Variants in ACOT11 observed in about 807,000 individuals in gnomAD.
ACOT11 encodes acyl-coenzyme A thioesterase 11.
In ACOT11, 69 loss-of-function variants were observed where a neutral mutation model predicts 77.5. That is an observed-to-expected ratio of 0.89 (90% CI 0.73 to 1.09). ACOT11 has a LOEUF of 1.09. Ranked by LOEUF, ACOT11 falls within the 50% of genes least tolerant of loss-of-function variation. The pLI, the probability that ACOT11 is intolerant of heterozygous loss-of-function variation, is 0.00. For synonymous variants in ACOT11, 279 were observed against 313.0 expected (o/e 0.89, Z 1.15); for missense variants, 766 against 813.7 (o/e 0.94, Z 0.71).
intron 1 of ACOT11, among the ~76,000 whole-genome samples, chr1:54,578,295 T>C (rs1197034436): frequency 6.6e-6 from 1 of 152,132 alleles, no homozygotes; most frequent in Non-Finnish European, 1.5e-5. Flanking sequence ...CCATGCAATG[T>C]TGGAATGAGT....
At chr1:54,595,391 G>A (rs1046750732) in intron 6 of ACOT11, among the ~76,000 whole-genome samples, 2 of 151,892 alleles carry the variant, frequency 1.3e-5, no homozygotes, top group Non-Finnish European at 1.5e-5. Context: ...CATGTAAAAA[G>A]CATATATATA....
intron 15 of ACOT11, among the ~76,000 whole-genome samples, chr1:54,619,043 C>A (rs1254322782): frequency 2.6e-5 from 4 of 152,074 alleles, no homozygotes; most frequent in Non-Finnish European, 4.4e-5. Flanking sequence ...GTCATTCTAC[C>A]AGCCCTCAGA....
intron 1 of ACOT11, among the ~76,000 whole-genome samples, chr1:54,559,879 C>G (rs1653403645): frequency 6.6e-6 from 1 of 152,198 alleles, no homozygotes; most frequent in Admixed American, 6.5e-5. Flanking sequence ...TGCTGAAGCT[C>G]CTCTCCTTGT....
rs1389122803 is a variant in ACOT11 at position 54,620,723 on chromosome 1, C to CTACTCGGGAGG, written c.1630-10011_1630-10010insTACTCGGGAGG. ...AGCGGGATGGACGTGGTGGCAGGAG[C>CTACTCGGGAGG]CTGTAATCCCAGCTACTCGGGAGGC... is the stretch of plus-strand genomic sequence containing the variant. On this transcript the variant is annotated intron_variant, in intron 15 of 16. Coordinates refer to the ACOT11 transcript ENST00000371316. Among the ~76,000 whole-genome samples the CTACTCGGGAGG allele has an allele frequency of 4.2e-4, 64 of 151,382 alleles. 1 individual carries two copies. Among genetic ancestry groups the CTACTCGGGAGG allele is most frequent in the South Asian group, 2.5e-3 (12 of 4,754 alleles).
exon 17 of ACOT11, chr1:54,636,571 C>T (rs1557680781): frequency 6.6e-6 from 1 of 152,298 alleles, no homozygotes; most frequent in East Asian, 1.9e-4. Flanking sequence ...TTCCATTGCC[C>T]AGAGACGAGC....
At chr1:54,614,373 G>A (rs572522908), downstream of ACOT11, among the ~76,000 whole-genome samples, 1 of 152,192 alleles carries the variant, frequency 6.6e-6, no homozygotes, top group African/African-American at 2.4e-5. Context: ...TGTAGTAGGG[G>A]TGACAAATCT....
intron 1 of ACOT11, among the ~76,000 whole-genome samples, chr1:54,564,830 C>T (rs573881110): frequency 6.6e-6 from 1 of 152,240 alleles, no homozygotes; most frequent in East Asian, 1.9e-4. Context: ...TGATAATGGT[C>T]CCTGCAACTG....
At chr1:54,571,312 T>G (rs1337266593) in intron 1 of ACOT11, among the ~76,000 whole-genome samples, 1 of 152,202 alleles carries the variant, frequency 6.6e-6, no homozygotes, top group Non-Finnish European at 1.5e-5. Context: ...ATTATTTCAA[T>G]AAACCTTCTT....
chr1:54,617,709 A>ATTTTTTTTTTTT (rs56229276), intron 15 of ACOT11, among the ~76,000 whole-genome samples: 7 of 55,766 alleles, frequency 1.3e-4, no homozygotes, highest in African/African-American at 2.9e-4. Flanking sequence ...AGGGCCTGAG[A>ATTTTTTTTTTTT]TTTTTTTTTT....
exon 17 of ACOT11, chr1:54,637,049 C>T (rs111628037): frequency 6.5e-6 from 1 of 152,818 alleles, no homozygotes; most frequent in East Asian, 1.9e-4. Flanking sequence ...CCTATGTCTA[C>T]TTCTTTCTAC....
intron 7 of ACOT11, chr1:54,597,708 C>A: frequency 2.4e-6 from 1 of 420,956 alleles, no homozygotes; most frequent in South Asian, 3.1e-5. Flanking sequence ...CACATCAAGC[C>A]TTCTAGTATC....
intron 15 of ACOT11, chr1:54,628,066 A>G (rs796083191): frequency 2.2e-5 from 3 of 133,708 alleles, no homozygotes; most frequent in Admixed American, 1.5e-4. Flanking sequence ...CTCAGCTTGC[A>G]TTTGGGAGGT....
chr1:54,601,201 G>A (rs1643959051), intron 8 of ACOT11, 68 bp from the exon 9 acceptor site: 2 of 1,560,030 alleles, frequency 1.3e-6, no homozygotes, highest in African/African-American at 1.3e-5. Context: ...GTGAGTGTGT[G>A]TGTTGGGGAG....
At chr1:54,594,479 T>C in intron 5 of ACOT11, 77 bp from the exon 6 acceptor site, 4 of 1,517,920 alleles carry the variant, frequency 2.6e-6, no homozygotes, top group African/African-American at 1.4e-5. Context: ...GGGCATGGCA[T>C]GGTGCTGGGG....
At chr1:54,616,222 A>C in intron 15 of ACOT11, 1 of 1,506,478 alleles carries the variant, frequency 6.6e-7, no homozygotes, top group Non-Finnish European at 9.1e-7. Context: ...AAAAAAGAAA[A>C]CTTCTTTCTC....
downstream of ACOT11, chr1:54,614,580 G>T (rs753981218): frequency 4.0e-6 from 4 of 1,008,908 alleles, no homozygotes; most frequent in Non-Finnish European, 5.7e-6. Context: ...AAGGCTCAGA[G>T]GTGAGGCTAT....
chr1:54,552,636 T>G (rs1253721454), intron 1 of ACOT11, among the ~76,000 whole-genome samples: 1 of 151,744 alleles, frequency 6.6e-6, no homozygotes, highest in Non-Finnish European at 1.5e-5. Flanking sequence ...GGACTACAGG[T>G]GCGTGCCATC....
intron 1 of ACOT11, among the ~76,000 whole-genome samples, chr1:54,555,052 G>A (rs745813782): frequency 6.6e-5 from 10 of 152,076 alleles, no homozygotes; most frequent in Non-Finnish European, 1.0e-4. Flanking sequence ...TCCGCCTCCC[G>A]GGTTCAAGTG....
intron 1 of ACOT11, among the ~76,000 whole-genome samples, chr1:54,560,307 A>C (rs1653421733): frequency 6.6e-6 from 1 of 152,078 alleles, no homozygotes; most frequent in Non-Finnish European, 1.5e-5. Flanking sequence ...TGGCCCTAAA[A>C]GCTTTTCTGG....
Sources: allele counts gnomAD v4.1 joint callset (sites outside exome capture counted in the v4.1 genomes callset), GRCh38; gene constraint gnomAD v4.1.1; transcripts MANE v1.5; gene names NCBI Gene and HGNC (gene_info 2026-07-23, HGNC 2026-07-21).